The following PLCH1 variants were observed in gnomAD, a reference collection of about 807,000 sequenced individuals.
PLCH1 encodes the protein phospholipase C eta 1.
A neutral mutation model predicts 126.7 loss-of-function variants in PLCH1; 60 were observed. The observed-to-expected ratio is 0.47, with a 90% confidence interval of 0.38 to 0.59. The LOEUF (loss-of-function observed/expected upper bound fraction) is 0.59, where lower values mean the gene tolerates loss of function less well. Among genes scored for constraint, PLCH1 ranks in the 20% least tolerant of loss-of-function variants. The probability of loss-of-function intolerance (pLI) is 0.00; values close to 1 mark genes in which losing one functional copy is unlikely to be tolerated. For synonymous variants in PLCH1, 719 were observed against 734.9 expected, an observed-to-expected ratio of 0.98 and a Z score of 0.35; for missense variants, 1,723 against 2,040.0, an observed-to-expected ratio of 0.84 and a Z score of 2.99.
chr3:155,608,447 T>G (rs1381484982), intron 2 of PLCH1, among the ~76,000 whole-genome samples: 1 of 152,068 alleles, frequency 6.6e-6, no homozygotes, highest in Non-Finnish European at 1.5e-5. Context: ...TGGGGCAAGG[T>G]CTGAGCCTGG....
chr3:155,659,772 T>A (rs1352669068), intron 2 of PLCH1, among the ~76,000 whole-genome samples: 1 of 152,130 alleles, frequency 6.6e-6, no homozygotes, highest in African/African-American at 2.4e-5. Flanking sequence ...GGACTGGGAT[T>A]ACAGGTGTGA....
intron 2 of PLCH1, among the ~76,000 whole-genome samples, chr3:155,622,004 G>A (rs1259088252): frequency 6.6e-6 from 1 of 152,170 alleles, no homozygotes; most frequent in Non-Finnish European, 1.5e-5. Context: ...GTTAAGGGCA[G>A]CCAGAGAGAA....
chr3:155,586,366 A>G (rs1446933866), intron 4 of PLCH1, among the ~76,000 whole-genome samples, 172 bp from the exon 5 acceptor site: 1 of 152,182 alleles, frequency 6.6e-6, no homozygotes, highest in Non-Finnish European at 1.5e-5. Context: ...TGACAATAAC[A>G]ATGACAACAA....
rs145653194 is a variant in PLCH1, at chr3:155,678,643, G to A, written c.79+25503C>T. ...ATTCTCCCAACAGAAGGTCATGTAC[G>A]ATGTCAAAACTAGGCCAACAGACTT... is the stretch of plus-strand genomic sequence containing the variant. On this transcript the variant is annotated intron_variant, in intron 2 of 22. Transcript: ENST00000460012. Among the ~76,000 whole-genome samples the A allele has an allele frequency of 3.2e-3, 494 of 152,262 alleles. 3 individuals carry two copies. Among genetic ancestry groups the A allele is most frequent in the Admixed American group, 5.4e-3 (82 of 15,296 alleles).
rs920637338 is a variant in PLCH1 at position 155,689,696 on chromosome 3, T to C, written c.79+14450A>G. ...CAAGCAGAAGAAAGGATTAGTGAGCTTAAAGACAGGCTATTTGAAAACACA... is the reference window on the plus strand; with the variant it reads ...CAAGCAGAAGAAAGGATTAGTGAGCCTAAAGACAGGCTATTTGAAAACACA... On this transcript the variant is annotated intron_variant, in intron 2 of 22. Coordinates refer to ENST00000460012, the MANE Select transcript of PLCH1 (RefSeq NM_014996.4). 5.9e-5 allele frequency among the ~76,000 whole-genome samples: 9 copies of C among 151,788 alleles called. No individual in the cohort carries two copies. In the South Asian group the frequency reaches 1.9e-3, roughly 32 times the overall value.
intron 2 of PLCH1, among the ~76,000 whole-genome samples, chr3:155,645,984 T>C (rs1246135718): frequency 1.3e-5 from 2 of 152,178 alleles, no homozygotes; most frequent in East Asian, 3.8e-4. Context: ...TATACTTAGA[T>C]GTCTGGTATC....
chr3:155,680,988 AAACT>A (rs1392373314), intron 2 of PLCH1, among the ~76,000 whole-genome samples: 5 of 152,334 alleles, frequency 3.3e-5, no homozygotes, highest in African/African-American at 1.2e-4. Flanking sequence ...AAGGAGATAC[AAACT>A]AACTACTAAT....
chr3:155,628,144 A>G (rs1737573016), intron 2 of PLCH1, among the ~76,000 whole-genome samples: 1 of 152,218 alleles, frequency 6.6e-6, no homozygotes, highest in African/African-American at 2.4e-5. Context: ...TATTTCATGT[A>G]TATACATAAA....
At chr3:155,628,437 G>T (rs557750131) in intron 2 of PLCH1, among the ~76,000 whole-genome samples, 1 of 149,812 alleles carries the variant, frequency 6.7e-6, no homozygotes, top group South Asian at 2.1e-4. Flanking sequence ...GCCTTGCTAA[G>T]TTCCCCTCAG....
At chr3:155,534,094 A>T (rs984531254) in intron 10 of PLCH1, among the ~76,000 whole-genome samples, 1 of 152,204 alleles carries the variant, frequency 6.6e-6, no homozygotes, top group Admixed American at 6.5e-5. Flanking sequence ...AAGCTGTGAA[A>T]AGAGGGCCAC....
At position 155,589,626 on chromosome 3, in the gene PLCH1, G is replaced by A. The variant is rs561870148; in HGVS notation, c.471-3432C>T. On this transcript the variant is annotated intron_variant, in intron 4 of 22. Coordinates refer to ENST00000460012, the MANE Select transcript of PLCH1 (RefSeq NM_014996.4). ...AATAATTTCCCTCATGGGGTCAAGA[G>A]ATAAGGTGGGGAAAACATGAAGGAG... Among the ~76,000 whole-genome samples, 5 of 152,256 alleles carry A rather than the reference G, an allele frequency of 3.3e-5. No individual in the cohort carries two copies. The South Asian group carries it at 1.0e-3, about 32-fold the overall frequency.
At chr3:155,675,393 T>G (rs1210423482) in intron 2 of PLCH1, among the ~76,000 whole-genome samples, 1 of 152,210 alleles carries the variant, frequency 6.6e-6, no homozygotes. Flanking sequence ...TCCTAACTCA[T>G]ACTTTAAGAT....
intron 21 of PLCH1, among the ~76,000 whole-genome samples, chr3:155,453,094 C>A (rs1712349468): frequency 6.6e-6 from 1 of 152,178 alleles, no homozygotes; most frequent in Admixed American, 6.5e-5. Context: ...GCCCTCCTCA[C>A]ACCCAGTGGA....
In PLCH1 at chr3:155,706,335, A is replaced by T. The variant is rs1455105230; in HGVS notation, c.-40-2071T>A. Among the ~76,000 whole-genome samples the T allele has an allele frequency of 4.1e-5, 6 of 146,248 alleles. No homozygotes were observed. In the East Asian group the frequency reaches 1.2e-3, roughly 29 times the overall value. On this transcript the variant is annotated intron_variant, in intron 1 of 22. Transcript: ENST00000460012. Reference sequence around the variant, plus strand: ...CCGTGTCTCTACTAAAAATACAAAAAATTAGGCCAGGTGCGGTGGCTCACA... The same window carrying T: ...CCGTGTCTCTACTAAAAATACAAAATATTAGGCCAGGTGCGGTGGCTCACA...
intron 2 of PLCH1, among the ~76,000 whole-genome samples, chr3:155,614,144 T>C (rs1482183089): frequency 3.3e-5 from 5 of 152,066 alleles, no homozygotes; most frequent in Admixed American, 1.3e-4. Flanking sequence ...AAAGAAATCA[T>C]AGATGACACA....
At chr3:155,716,560 A>G (rs1258742146) in intron 1 of PLCH1, among the ~76,000 whole-genome samples, 1 of 152,180 alleles carries the variant, frequency 6.6e-6, no homozygotes, top group Non-Finnish European at 1.5e-5. Flanking sequence ...GGCATCTGAC[A>G]TGGCAGGAGC....
rs79122958 is a variant in PLCH1, at chr3:155,527,935, AT to A, written c.1363-3932del. Among the ~76,000 whole-genome samples the A allele has an allele frequency of 2.0e-3, 299 of 146,420 alleles. 11 individuals carry two copies. The highest frequency in any genetic ancestry group is 2.3e-3 in the Non-Finnish European group (155 of 66,032). ...ACTCCGTTTCAAAAAAAAAAAAAAA[AT>A]GTTGGGGCCAGGCACAGTGGCTCCT... On this transcript the variant is annotated intron_variant, in intron 10 of 22. Transcript: ENST00000460012.
chr3:155,624,509 T>G (rs996668713), intron 2 of PLCH1, among the ~76,000 whole-genome samples: 6 of 152,202 alleles, frequency 3.9e-5, no homozygotes, highest in Admixed American at 1.3e-4. Flanking sequence ...CCCCATTGTC[T>G]CAGCCCAAAA....
intron 4 of PLCH1, among the ~76,000 whole-genome samples, chr3:155,588,163 G>T (rs976143607): frequency 6.6e-6 from 1 of 152,036 alleles, no homozygotes; most frequent in African/African-American, 2.4e-5. Context: ...TTTTCAGATC[G>T]CCTTACTTCA....
Sources: allele counts gnomAD v4.1 joint callset (sites outside exome capture counted in the v4.1 genomes callset), GRCh38; gene constraint gnomAD v4.1.1; transcripts MANE v1.5; gene names NCBI Gene and HGNC (gene_info 2026-07-23, HGNC 2026-07-21).